Variants in MAPK10 observed in about 807,000 individuals in gnomAD.
MAPK10 encodes the protein JNK3 alpha protein kinase.
A neutral mutation model predicts 59.3 loss-of-function variants in MAPK10; 25 were observed. That is an observed-to-expected ratio of 0.42 (90% CI 0.31 to 0.59). The LOEUF (loss-of-function observed/expected upper bound fraction) is 0.59, where lower values mean the gene tolerates loss of function less well. MAPK10 is among the 20% of genes least tolerant of loss of function. MAPK10 has a pLI of 0.15. For missense variants in MAPK10, 351 were observed against 568.9 expected (o/e 0.62, Z 3.90); for synonymous variants, 190 against 200.5 (o/e 0.95, Z 0.44).
At chr4:86,225,402 C>A (rs2090433549) in intron 2 of MAPK10, among the ~76,000 whole-genome samples, 2 of 152,162 alleles carry the variant, frequency 1.3e-5, no homozygotes, top group Admixed American at 1.3e-4. Context: ...CATGTAGTCA[C>A]AATCTGTTGC....
intron 11 of MAPK10, chr4:86,044,843 A>T (rs1238152167): frequency 2.5e-6 from 1 of 396,862 alleles, no homozygotes; most frequent in Non-Finnish European, 4.4e-6. Flanking sequence ...CTCAGTTTGC[A>T]ATGAAAGATT....
chr4:86,358,187 A>G (rs1735483848), intron 1 of MAPK10: 1 of 982,960 alleles, frequency 1.0e-6, no homozygotes, highest in Admixed American at 6.2e-5. Flanking sequence ...TTTGTTATAT[A>G]TTTGTAACAT....
rs577150806 is a variant in MAPK10, at chr4:86,256,908, G to A, written c.-6-62501C>T. Among the ~76,000 whole-genome samples the A allele has an allele frequency of 1.1e-4, 13 of 122,768 alleles. No homozygotes were observed. In the East Asian group the frequency reaches 2.3e-3, roughly 21 times the overall value. The allele number at this position is 122,768 out of a possible 152,430, so 80.5% of individuals were successfully genotyped here. On this transcript the variant is annotated intron_variant, in intron 2 of 13. Transcript: ENST00000641462. ...GGCGCCCGCCATTGCGCCCGCCATTGCGCCCGTCTAATTTTTTGTATTTTT... is the reference window on the plus strand; with the variant it reads ...GGCGCCCGCCATTGCGCCCGCCATTACGCCCGTCTAATTTTTTGTATTTTT...
chr4:86,508,429 T>C (rs1401384850), intron 1 of MAPK10, among the ~76,000 whole-genome samples: 1 of 152,224 alleles, frequency 6.6e-6, no homozygotes, highest in Admixed American at 6.5e-5. Flanking sequence ...ATAAAAGTTA[T>C]TTCTGGCGAG....
chr4:86,371,681 C>T (rs762316863), intron 1 of MAPK10, among the ~76,000 whole-genome samples: 4 of 152,086 alleles, frequency 2.6e-5, no homozygotes, highest in Non-Finnish European at 4.4e-5. Flanking sequence ...ACTGAGGTAC[C>T]GGGCTCATCT....
intron 13 of MAPK10, chr4:86,024,252 TAAAC>T (rs953834661): frequency 1.1e-4 from 17 of 152,244 alleles, no homozygotes; most frequent in Non-Finnish European, 2.1e-4. Context: ...CTAGAGAAAT[TAAAC>T]AAAGAGCATT....
intron 13 of MAPK10, among the ~76,000 whole-genome samples, chr4:86,023,148 C>G (rs566678020): frequency 1.3e-5 from 2 of 152,234 alleles, no homozygotes; most frequent in East Asian, 3.9e-4. Flanking sequence ...CACCTTCATT[C>G]TTTTGCATGT....
At chr4:86,120,639 C>T (rs1478919185) in intron 4 of MAPK10, 5 of 152,230 alleles carry the variant, frequency 3.3e-5, no homozygotes, top group Admixed American at 2.6e-4. Flanking sequence ...CTCAGTTTCT[C>T]TTCTTTGATC....
chr4:86,137,781 C>T (rs1180195634), intron 4 of MAPK10, among the ~76,000 whole-genome samples: 4 of 143,704 alleles, frequency 2.8e-5, no homozygotes, highest in Non-Finnish European at 6.1e-5. Flanking sequence ...AATTGATAGA[C>T]CGCTAGCAAG....
chr4:86,221,645 C>A (rs2089632121), intron 2 of MAPK10, among the ~76,000 whole-genome samples: 3 of 151,868 alleles, frequency 2.0e-5, no homozygotes, highest in Middle Eastern at 3.4e-3. Flanking sequence ...CACCACCACA[C>A]CTGGCTGATT....
At chr4:86,085,283 G>T (rs2051538358) in intron 9 of MAPK10, among the ~76,000 whole-genome samples, 1 of 151,986 alleles carries the variant, frequency 6.6e-6, no homozygotes, top group Non-Finnish European at 1.5e-5. Context: ...GCACAGCAAA[G>T]AAAACAATCA....
intron 11 of MAPK10, among the ~76,000 whole-genome samples, chr4:86,039,987 C>T (rs748415791): frequency 6.6e-6 from 1 of 152,168 alleles, no homozygotes; most frequent in Non-Finnish European, 1.5e-5. Flanking sequence ...ATGGCATGCA[C>T]AGGTTCTATG....
chr4:86,555,303 G>A (rs1331136173), intron 1 of MAPK10, among the ~76,000 whole-genome samples: 3 of 152,096 alleles, frequency 2.0e-5, no homozygotes, highest in Non-Finnish European at 4.4e-5. Flanking sequence ...AAAATTAGCC[G>A]GGCGCGGTGG....
intron 1 of MAPK10, among the ~76,000 whole-genome samples, chr4:86,385,816 A>G (rs570884286): frequency 6.6e-6 from 1 of 152,166 alleles, no homozygotes; most frequent in Non-Finnish European, 1.5e-5. Context: ...AAAATTGACT[A>G]TAATTTAGTG....
At chr4:86,506,916 A>G (rs79976882) in intron 1 of MAPK10, among the ~76,000 whole-genome samples, 7,364 of 152,250 alleles carry the variant, frequency 0.048, 238 homozygotes, top group African/African-American at 0.061. Flanking sequence ...GGATTTGGGT[A>G]AGGCTCTGCC....
chr4:86,267,035 T>C (rs965586002), intron 2 of MAPK10, among the ~76,000 whole-genome samples: 10 of 152,320 alleles, frequency 6.6e-5, no homozygotes, highest in Middle Eastern at 3.4e-3. Context: ...TGAATCATTT[T>C]GGTCTCCAGC....
intron 9 of MAPK10, among the ~76,000 whole-genome samples, chr4:86,072,844 C>G (rs2048337373): frequency 1.1e-5 from 1 of 89,562 alleles, no homozygotes. Context: ...GGATATTGGT[C>G]TAAAATTCTC....
upstream of MAPK10, among the ~76,000 whole-genome samples, chr4:86,361,637 A>G (rs1433686235): frequency 2.0e-5 from 3 of 152,054 alleles, no homozygotes; most frequent in Non-Finnish European, 4.4e-5. Context: ...ATGTATATAT[A>G]TTATGCATAC....
intron 1 of MAPK10, among the ~76,000 whole-genome samples, chr4:86,579,454 T>A (rs577086767): frequency 2.0e-5 from 3 of 152,204 alleles, no homozygotes; most frequent in Admixed American, 2.0e-4. Context: ...AATAACCATT[T>A]TTATAGTCTG....
Sources: allele counts gnomAD v4.1 joint callset (sites outside exome capture counted in the v4.1 genomes callset), GRCh38; gene constraint gnomAD v4.1.1; transcripts MANE v1.5; gene names NCBI Gene and HGNC (gene_info 2026-07-23, HGNC 2026-07-21).